The following NINL variants were observed in gnomAD, a reference collection of about 807,000 sequenced individuals.
The protein encoded by NINL is ninein-like protein.
Under a neutral mutation model 160.3 loss-of-function variants are expected in NINL, and 153 were observed. The ratio of observed to expected loss-of-function variants is 0.95; its 90% CI spans 0.84 to 1.09. The LOEUF is 1.09. Among genes scored for constraint, NINL ranks in the 50% least tolerant of loss-of-function variants. The pLI, the probability that NINL is intolerant of heterozygous loss-of-function variation, is 0.00. For synonymous variants in NINL, 800 were observed against 734.8 expected (o/e 1.09, Z -1.43); for missense variants, 1,829 against 1,764.0 (o/e 1.04, Z -0.66).
chr20:25,553,568 C>A (rs2064830066), intron 1 of NINL, among the ~76,000 whole-genome samples: 1 of 152,162 alleles, frequency 6.6e-6, no homozygotes, highest in Admixed American at 6.5e-5. Flanking sequence ...GCATATTAGG[C>A]TGAAATAAAT....
At chr20:25,551,370 C>CAAAT (rs892088196) in intron 1 of NINL, among the ~76,000 whole-genome samples, 3 of 147,848 alleles carry the variant, frequency 2.0e-5, no homozygotes, top group Admixed American at 2.0e-4. Context: ...GACTCCGTCT[C>CAAAT]AAATAAATAA....
chr20:25,520,427 T>G (rs1261035974), intron 2 of NINL, among the ~76,000 whole-genome samples: 1 of 152,222 alleles, frequency 6.6e-6, no homozygotes, highest in Non-Finnish European at 1.5e-5. Flanking sequence ...GGCTGTTTCT[T>G]TGCAGACACC....
rs1252222382 is a variant in NINL, at chr20:25,489,910, G to A, written c.1561C>T (p.Leu521=). 5.0e-6 allele frequency: 8 copies of A among 1,614,080 alleles called. No individual in the cohort carries two copies. The highest frequency in any genetic ancestry group is 6.8e-6 in the Non-Finnish European group (8 of 1,180,048). The change falls in exon 12 of 24, where the codon CTG becomes TTG. Residue 521 remains leucine, a synonymous_variant. Transcript: ENST00000278886. ...AGCACAAACTCCAGGTCCTTCTGCA[G>A]CTTCAGGGCCAGCCTCTCCGAATCC... ...LSDSERLALK[L]QKDLEFVLKD... is the part of the protein sequence containing the mutation.
At chr20:25,540,698 C>A (rs1041630794) in intron 1 of NINL, among the ~76,000 whole-genome samples, 10 of 152,162 alleles carry the variant, frequency 6.6e-5, no homozygotes, top group African/African-American at 1.2e-4. Context: ...GATGTTATAA[C>A]CCCAATAAAA....
rs777242361 is a variant in NINL, at chr20:25,461,506, C to T, written c.3696+16G>A. 5 of 1,482,930 alleles carry T rather than the reference C, an allele frequency of 3.4e-6. No homozygotes were observed. Among genetic ancestry groups the T allele is most frequent in the Non-Finnish European group, 3.6e-6 (4 of 1,099,116 alleles). 91.9% of individuals were successfully genotyped at this position (1,482,930 alleles called of 1,614,324 possible). On this transcript the variant is annotated intron_variant, in intron 21 of 23. Coordinates refer to ENST00000278886, the MANE Select transcript of NINL (RefSeq NM_025176.6). Reference sequence around the variant, plus strand: ...TGGGACTGGACCCAGTGCCTCCAGCCATCGCTCACACCCACCTGGTCTTGA... The same window carrying T: ...TGGGACTGGACCCAGTGCCTCCAGCTATCGCTCACACCCACCTGGTCTTGA...
At chr20:25,537,931 C>T (rs751246628) in intron 1 of NINL, among the ~76,000 whole-genome samples, 1 of 152,208 alleles carries the variant, frequency 6.6e-6, no homozygotes, top group East Asian at 1.9e-4. Context: ...TCTTGCTGCT[C>T]GGTCTCTCTC....
chr20:25,580,649 A>C (rs2065164477), intron 1 of NINL, among the ~76,000 whole-genome samples: 1 of 152,236 alleles, frequency 6.6e-6, no homozygotes, highest in Non-Finnish European at 1.5e-5. Context: ...AGGTCAAAAA[A>C]GGATGAAAAT....
At chr20:25,537,300 C>T (rs563507892) in intron 1 of NINL, among the ~76,000 whole-genome samples, 1 of 152,302 alleles carries the variant, frequency 6.6e-6, no homozygotes, top group Non-Finnish European at 1.5e-5. Context: ...CCAGGCTGGT[C>T]TCAAACTCCT....
chr20:25,476,879 G>C lies in NINL; in HGVS notation c.2412C>G (p.Leu804=). ...KRAQMCVSLA[L]EEEELELARG... The stretch of plus-strand genomic sequence containing the variant: ...GGGCAAGCTCCAACTCCTCCTCCTC[G>C]AGGGCCAACGATACGCACATCTGGG... The change falls in exon 17 of 24, where the codon CTC becomes CTG. Residue 804 remains leucine, a synonymous_variant. Transcript: ENST00000278886. 2.5e-6 allele frequency: 4 copies of C among 1,613,312 alleles called. No individual in the cohort carries two copies. The highest frequency in any genetic ancestry group is 3.4e-6 in the Non-Finnish European group (4 of 1,179,900).
At chr20:25,500,284 G>A (rs943828014) in intron 8 of NINL, among the ~76,000 whole-genome samples, 15 of 152,208 alleles carry the variant, frequency 9.9e-5, no homozygotes, top group Non-Finnish European at 1.8e-4. Context: ...GTAAGGAGCT[G>A]TGTCCCATGC....
intron 1 of NINL, among the ~76,000 whole-genome samples, chr20:25,559,106 T>C (rs2064902978): frequency 6.6e-6 from 1 of 152,248 alleles, no homozygotes. Flanking sequence ...TATCACGTGA[T>C]GACCTGCACA....
chr20:25,469,401 C>A, intron 18 of NINL, among the ~76,000 whole-genome samples: 1 of 141,232 alleles, frequency 7.1e-6, no homozygotes. Context: ...CTGGTGGCCC[C>A]CTGCCCTGTC....
chr20:25,522,288 T>C (rs1309888504), intron 2 of NINL, among the ~76,000 whole-genome samples: 3 of 152,254 alleles, frequency 2.0e-5, no homozygotes, highest in African/African-American at 7.2e-5. Context: ...TTTATTATTT[T>C]GTTCAGTTTT....
At chr20:25,466,406 G>C (rs2062913560) in intron 19 of NINL, among the ~76,000 whole-genome samples, 1 of 152,234 alleles carries the variant, frequency 6.6e-6, no homozygotes, top group African/African-American at 2.4e-5. Context: ...TAAAGTGCAG[G>C]TGGCAATGCG....
intron 1 of NINL, among the ~76,000 whole-genome samples, chr20:25,534,206 T>C (rs1426611067): frequency 6.6e-6 from 1 of 152,180 alleles, no homozygotes. Flanking sequence ...CACTATTCTA[T>C]AAAATCCCCA....
rs559162980 is a variant in NINL, at chr20:25,461,217, C to T, written c.3696+305G>A. Among the ~76,000 whole-genome samples the T allele has an allele frequency of 3.5e-4, 53 of 152,322 alleles. No homozygotes were observed. The Middle Eastern group carries it at 0.01, about 29-fold the overall frequency. On this transcript the variant is annotated intron_variant, in intron 21 of 23. Transcript: ENST00000278886. Reference sequence around the variant, plus strand: ...CTGGAGCCTGCTGCCTTGGTTCTGACGACACAGTCCCCAGGCTTGCCTCTG... The same window carrying T: ...CTGGAGCCTGCTGCCTTGGTTCTGATGACACAGTCCCCAGGCTTGCCTCTG...
chr20:25,553,026 TG>T lies in NINL; in HGVS notation c.-11-26429del, dbSNP rs552058385. 2.8e-4 allele frequency among the ~76,000 whole-genome samples: 43 copies of T among 151,688 alleles called. No individual in the cohort carries two copies. The South Asian group carries it at 9.0e-3, about 32-fold the overall frequency. On this transcript the variant is annotated intron_variant, in intron 1 of 23. Transcript: ENST00000278886. ...CTTTTGCTTCCCCACGCAAGGGCACTGGTGCAGCGGCCTTGCTCACTGTGGC... is the reference window on the plus strand; with the variant it reads ...CTTTTGCTTCCCCACGCAAGGGCACTGTGCAGCGGCCTTGCTCACTGTGGC...
At chr20:25,496,532 A>C (rs1219670723) in intron 10 of NINL, 131 bp downstream of exon 10, 2 of 1,077,710 alleles carry the variant, frequency 1.9e-6, no homozygotes, top group Non-Finnish European at 2.7e-6. Context: ...CCCCTGACTC[A>C]GGTGAAATAG....
In NINL at chr20:25,498,081, A is replaced by G. The variant is rs576159079; in HGVS notation, c.1169+129T>C. 4,995 of 1,132,708 alleles carry G rather than the reference A, an allele frequency of 4.4e-3. 18 individuals carry two copies. Among genetic ancestry groups the G allele is most frequent in the Non-Finnish European group, 5.8e-3 (4,562 of 787,822 alleles). The allele number at this position is 1,132,708 out of a possible 1,614,324, so 70.2% of individuals were successfully genotyped here. The stretch of plus-strand genomic sequence containing the variant: ...AGAGCACGGGACAGACAGTGTGCAG[A>G]GCCCTGCCCCAGGACTGGCCATGTG... On this transcript the variant is annotated intron_variant, in intron 9 of 23. Coordinates refer to ENST00000278886, the MANE Select transcript of NINL (RefSeq NM_025176.6).
Sources: allele counts gnomAD v4.1 joint callset (sites outside exome capture counted in the v4.1 genomes callset), GRCh38; gene constraint gnomAD v4.1.1; transcripts MANE v1.5; gene names NCBI Gene and HGNC (gene_info 2026-07-23, HGNC 2026-07-21).